The following BNC2 variants were observed in gnomAD, a reference collection of about 807,000 sequenced individuals.
BNC2 encodes the protein basonuclin zinc finger protein 2.
In BNC2, 20 loss-of-function variants were observed where a neutral mutation model predicts 76.3. The ratio of observed to expected loss-of-function variants is 0.26; its 90% CI spans 0.18 to 0.38. BNC2 has a LOEUF of 0.38. Among genes scored for constraint, BNC2 ranks in the 10% least tolerant of loss-of-function variants. The probability of loss-of-function intolerance (pLI) is 1.00; values close to 1 mark genes in which losing one functional copy is unlikely to be tolerated. For synonymous variants in BNC2, 582 were observed against 514.8 expected, an observed-to-expected ratio of 1.13 and a Z score of -1.77; for missense variants, 1,382 against 1,399.8, an observed-to-expected ratio of 0.99 and a Z score of 0.20.
intron 1 of BNC2, among the ~76,000 whole-genome samples, chr9:16,865,713 G>A (rs548014958): frequency 3.9e-4 from 60 of 152,098 alleles, no homozygotes; most frequent in Non-Finnish European, 2.5e-4. Flanking sequence ...TGTTATGTAC[G>A]GATATTTTTA....
intron 3 of BNC2, among the ~76,000 whole-genome samples, chr9:16,628,132 T>C (rs1305933896): frequency 6.6e-6 from 1 of 152,188 alleles, no homozygotes; most frequent in East Asian, 1.9e-4. Context: ...AATCACATAC[T>C]TTCCCGCAAG....
At chr9:16,865,611 T>C (rs1248855333) in intron 1 of BNC2, among the ~76,000 whole-genome samples, 7 of 152,156 alleles carry the variant, frequency 4.6e-5, no homozygotes, top group Non-Finnish European at 8.8e-5. Context: ...AAGTTTATTT[T>C]AAATTATAAC....
At chr9:16,828,595 C>G (rs1258859441) in intron 1 of BNC2, among the ~76,000 whole-genome samples, 1 of 152,068 alleles carries the variant, frequency 6.6e-6, no homozygotes, top group African/African-American at 2.4e-5. Context: ...AAGTTTTCAG[C>G]CAGTGACAGC....
chr9:16,660,066 A>C (rs1822063936), intron 3 of BNC2, among the ~76,000 whole-genome samples: 1 of 152,226 alleles, frequency 6.6e-6, no homozygotes, highest in African/African-American at 2.4e-5. Context: ...TTTTACTCAC[A>C]CTAGGGACCC....
chr9:16,449,931 G>A (rs924457120), intron 5 of BNC2, among the ~76,000 whole-genome samples: 1 of 151,996 alleles, frequency 6.6e-6, no homozygotes, highest in Admixed American at 6.6e-5. Flanking sequence ...CATTCTGGAA[G>A]TATTTTCCAA....
chr9:16,442,754 G>A (rs1821153284), intron 5 of BNC2, among the ~76,000 whole-genome samples: 1 of 152,160 alleles, frequency 6.6e-6, no homozygotes, highest in South Asian at 2.1e-4. Context: ...TGGAAGTGAG[G>A]AAGAAACACT....
chr9:16,626,323 A>G (rs1820991126), intron 3 of BNC2: 1 of 152,238 alleles, frequency 6.6e-6, no homozygotes, highest in Non-Finnish European at 1.5e-5. Context: ...AGTCTTTAAA[A>G]TGCGAGTTTT....
chr9:16,870,106 A>G (rs10121817), intron 1 of BNC2, among the ~76,000 whole-genome samples: 132,843 of 152,082 alleles, frequency 0.87, 58,501 homozygotes, highest in Non-Finnish European at 0.92. Context: ...ATGTGAAGAC[A>G]AGGGGAGAGG....
chr9:16,634,500 A>G (rs1181408667), intron 3 of BNC2, among the ~76,000 whole-genome samples: 2 of 126,286 alleles, frequency 1.6e-5, no homozygotes, highest in South Asian at 5.1e-4. Context: ...ACCTTCAAAT[A>G]TCTTTTTTTT....
At chr9:16,595,540 T>TTC (rs1563855275) in intron 3 of BNC2, among the ~76,000 whole-genome samples, 2 of 152,128 alleles carry the variant, frequency 1.3e-5, no homozygotes, top group African/African-American at 4.8e-5. Context: ...TCTCAGGTAA[T>TTC]ACATTTTTAA....
chr9:16,841,200 T>C (rs1255862797), intron 1 of BNC2, among the ~76,000 whole-genome samples: 1 of 152,210 alleles, frequency 6.6e-6, no homozygotes, highest in Admixed American at 6.5e-5. Context: ...TCAGGCACTG[T>C]GCTGATCCTT....
intron 5 of BNC2, among the ~76,000 whole-genome samples, chr9:16,492,984 G>A (rs1444120048): frequency 6.6e-6 from 1 of 152,118 alleles, no homozygotes; most frequent in Non-Finnish European, 1.5e-5. Flanking sequence ...ATGCCATTAA[G>A]AAAATGTTTC....
intron 3 of BNC2, among the ~76,000 whole-genome samples, chr9:16,615,170 C>T (rs12003035): frequency 0.052 from 7,977 of 151,968 alleles, 744 homozygotes; most frequent in African/African-American, 0.18. Flanking sequence ...GAATGGTGGG[C>T]AGCTCATAGG....
chr9:16,631,938 G>C (rs1286224694), intron 3 of BNC2, among the ~76,000 whole-genome samples: 1 of 152,180 alleles, frequency 6.6e-6, no homozygotes, highest in African/African-American at 2.4e-5. Flanking sequence ...AATGTTCCAC[G>C]ATAGGAAATA....
At chr9:16,544,006 A>G (rs1448210882) in intron 5 of BNC2, among the ~76,000 whole-genome samples, 2 of 152,196 alleles carry the variant, frequency 1.3e-5, no homozygotes, top group East Asian at 3.8e-4. Flanking sequence ...TCTTTCCTGA[A>G]AAAGAATCAC....
intron 1 of BNC2, among the ~76,000 whole-genome samples, chr9:16,822,397 C>T (rs1272398695): frequency 6.6e-6 from 1 of 152,054 alleles, no homozygotes; most frequent in African/African-American, 2.4e-5. Context: ...GGTCAGAGAT[C>T]AGTTATTCAA....
At chr9:16,755,641 C>G (rs1241833007) in intron 1 of BNC2, among the ~76,000 whole-genome samples, 1 of 152,162 alleles carries the variant, frequency 6.6e-6, no homozygotes, top group Admixed American at 6.5e-5. Context: ...CTATATTTAG[C>G]CTAGATCTCC....
chr9:16,869,758 C>T (rs1314173889), intron 1 of BNC2, among the ~76,000 whole-genome samples: 1 of 152,208 alleles, frequency 6.6e-6, no homozygotes, highest in Non-Finnish European at 1.5e-5. Flanking sequence ...AAAGAAGTCG[C>T]TTCTCGTAGA....
intron 3 of BNC2, among the ~76,000 whole-genome samples, chr9:16,630,705 T>C (rs796484349): frequency 3.9e-5 from 6 of 151,974 alleles, no homozygotes; most frequent in African/African-American, 1.4e-4. Flanking sequence ...TCACCAGTAG[T>C]TACACTGCAA....
Sources: gnomAD v4.1 joint callset for allele counts (sites outside exome capture counted in the v4.1 genomes callset) on GRCh38, gnomAD v4.1.1 for gene constraint, MANE v1.5 for transcripts, NCBI Gene and HGNC (gene_info 2026-07-23, HGNC 2026-07-21) for gene names.